The following PCNX2 variants were observed in gnomAD, a reference collection of about 807,000 sequenced individuals.
PCNX2 encodes pecanex 2.
Under a neutral mutation model 223.8 loss-of-function variants are expected in PCNX2, and 168 were observed. That is an observed-to-expected ratio of 0.75 (90% CI 0.66 to 0.85). PCNX2 has a LOEUF of 0.85. PCNX2 is among the 40% of genes least tolerant of loss of function. The pLI, the probability that PCNX2 is intolerant of heterozygous loss-of-function variation, is 0.00. For synonymous variants in PCNX2, 1,006 were observed against 1,052.6 expected (o/e 0.96, Z 0.86); for missense variants, 2,507 against 2,675.5 (o/e 0.94, Z 1.39).
In PCNX2 at chr1:232,984,313, G is replaced by A. The variant is rs764436742; in HGVS notation, c.6405C>T (p.Asp2135=). Reference sequence around the variant, plus strand: ...CCCGGCCGCACGCCCGTCACTGCTCGTCTGACACACTTTGCTGCGAGGCCG... The same window carrying A: ...CCCGGCCGCACGCCCGTCACTGCTCATCTGACACACTTTGCTGCGAGGCCG... ...DDTASQQSVS[D]EQ Residue 2135 remains aspartate, a synonymous_variant, in exon 34 of 34, where the codon GAC becomes GAT. Coordinates refer to ENST00000258229, the MANE Select transcript of PCNX2 (RefSeq NM_014801.4). 1.9e-6 allele frequency: 3 copies of A among 1,606,330 alleles called. No homozygotes were observed. Among genetic ancestry groups the A allele is most frequent in the South Asian group, 1.1e-5 (1 of 90,110 alleles).
intron 19 of PCNX2, among the ~76,000 whole-genome samples, chr1:233,150,403 T>C (rs1438119722): frequency 1.3e-5 from 2 of 152,144 alleles, no homozygotes; most frequent in Non-Finnish European, 2.9e-5. Context: ...TTGATAGACA[T>C]TATTCAGGTT....
chr1:233,219,627 T>A (rs865811832), intron 10 of PCNX2, among the ~76,000 whole-genome samples: 34 of 151,378 alleles, frequency 2.2e-4, no homozygotes, highest in Middle Eastern at 6.8e-3. Flanking sequence ...TGTGAACATT[T>A]AAAAAAAAAT....
intron 21 of PCNX2, among the ~76,000 whole-genome samples, chr1:233,127,655 T>C (rs1342062863): frequency 6.6e-6 from 1 of 152,160 alleles, no homozygotes; most frequent in African/African-American, 2.4e-5. Context: ...CCTACCATTG[T>C]ATAGCTAAGA....
At chr1:233,073,854 G>A (rs576955109) in intron 23 of PCNX2, among the ~76,000 whole-genome samples, 11 of 152,188 alleles carry the variant, frequency 7.2e-5, no homozygotes, top group Admixed American at 3.3e-4. Flanking sequence ...TTTTGACCTC[G>A]AGTGATCATT....
intron 19 of PCNX2, among the ~76,000 whole-genome samples, chr1:233,153,914 A>G (rs183235890): frequency 1.1e-3 from 169 of 152,340 alleles, no homozygotes; most frequent in Middle Eastern, 3.4e-3. Flanking sequence ...TGTGCATCAC[A>G]TAGAAACTAG....
intron 9 of PCNX2, among the ~76,000 whole-genome samples, chr1:233,234,796 C>A (rs1348364120): frequency 1.3e-5 from 2 of 152,150 alleles, no homozygotes; most frequent in African/African-American, 4.8e-5. Context: ...GTTAGCACTT[C>A]CGGGCTTATC....
chr1:233,133,465 A>C (rs550714658), intron 21 of PCNX2, among the ~76,000 whole-genome samples: 1 of 152,318 alleles, frequency 6.6e-6, no homozygotes, highest in South Asian at 2.1e-4. Flanking sequence ...AAAATACAGA[A>C]ATTGGGGCAG....
intron 23 of PCNX2, among the ~76,000 whole-genome samples, chr1:233,059,047 C>G (rs1475029685): frequency 6.6e-6 from 1 of 152,118 alleles, no homozygotes; most frequent in Admixed American, 6.5e-5. Flanking sequence ...TCAGCATGCC[C>G]AGACCTCTTA....
intron 21 of PCNX2, among the ~76,000 whole-genome samples, chr1:233,101,617 A>G (rs1040846324): frequency 2.0e-5 from 3 of 152,196 alleles, no homozygotes; most frequent in African/African-American, 7.2e-5. Flanking sequence ...TATAATCAAA[A>G]AAGTTGTAAG....
chr1:233,276,727 G>T (rs1660933621), intron 1 of PCNX2, among the ~76,000 whole-genome samples: 1 of 152,152 alleles, frequency 6.6e-6, no homozygotes, highest in Non-Finnish European at 1.5e-5. Flanking sequence ...AAGCTACAAA[G>T]CAGAAGTCCC....
intron 32 of PCNX2, among the ~76,000 whole-genome samples, chr1:232,997,454 A>G (rs561509896): frequency 3.9e-5 from 6 of 152,242 alleles, no homozygotes; most frequent in Non-Finnish European, 7.4e-5. Flanking sequence ...CACTTATTAA[A>G]CGCTTCTGGA....
intron 15 of PCNX2, among the ~76,000 whole-genome samples, chr1:233,183,851 G>C (rs1231590664): frequency 1.3e-5 from 2 of 152,194 alleles, no homozygotes; most frequent in African/African-American, 4.8e-5. Flanking sequence ...CATTTAAGTG[G>C]ATCCCTGCAC....
rs1265699082 is a variant in PCNX2, at chr1:232,990,528, G to A, written c.5792-3988C>T. 6.6e-6 allele frequency among the ~76,000 whole-genome samples: 1 copy of A among 152,164 alleles called. No individual in the cohort carries two copies. Among genetic ancestry groups the A allele is most frequent in the Non-Finnish European group, 1.5e-5 (1 of 68,024 alleles). On this transcript the variant is annotated intron_variant, in intron 32 of 33. Coordinates refer to ENST00000258229, the MANE Select transcript of PCNX2 (RefSeq NM_014801.4). The surrounding 1 kb of genome is among the most constrained non-coding windows in gnomAD (Gnocchi z 4.3). ...AGAACCTGCCTACAGCTGCAACTCT[G>A]AGACCCAAGGGCTTTGCACCCTCGC...
At chr1:233,177,606 C>A (rs367767097) in intron 17 of PCNX2, among the ~76,000 whole-genome samples, 196 bp downstream of exon 17, 4 of 152,326 alleles carry the variant, frequency 2.6e-5, no homozygotes, top group African/African-American at 7.2e-5. Context: ...TTCTTTACAG[C>A]ACCGGAGAGC....
At chr1:233,249,544 C>A (rs1659324139) in intron 8 of PCNX2, among the ~76,000 whole-genome samples, 2 of 152,180 alleles carry the variant, frequency 1.3e-5, no homozygotes, top group Non-Finnish European at 2.9e-5. Flanking sequence ...GGGGACTTTG[C>A]ATGCCTGTTG....
intron 32 of PCNX2, among the ~76,000 whole-genome samples, chr1:232,988,880 G>A (rs986675885): frequency 6.6e-6 from 1 of 152,206 alleles, no homozygotes; most frequent in Non-Finnish European, 1.5e-5. Flanking sequence ...CGTAGTGAGC[G>A]CCTGGCAGCT....
rs1676130937 is a variant in PCNX2 at position 233,126,877 on chromosome 1, T to G, written c.3837+8136A>C. On this transcript the variant is annotated intron_variant, in intron 21 of 33. Coordinates refer to ENST00000258229, the MANE Select transcript of PCNX2 (RefSeq NM_014801.4). This position sits in a 1 kb window ranked among gnomAD's most constrained non-coding sequence, Gnocchi z 4.8. ...CTAATCTAGTTAATGACACCCCCTT[T>G]CATCTAGTCACTGAAGTATGCTGAG... Among the ~76,000 whole-genome samples the G allele has an allele frequency of 6.6e-6, 1 of 152,118 alleles. No individual in the cohort carries two copies. The highest frequency in any genetic ancestry group is 1.5e-5 in the Non-Finnish European group (1 of 68,030).
At chr1:233,175,980 A>C (rs540595880) in intron 17 of PCNX2, among the ~76,000 whole-genome samples, 1 of 152,188 alleles carries the variant, frequency 6.6e-6, no homozygotes, top group Non-Finnish European at 1.5e-5. Flanking sequence ...AAATTCATCG[A>C]AATTCCATGA....
At chr1:233,022,560 G>T (rs562932591) in intron 26 of PCNX2, among the ~76,000 whole-genome samples, 2 of 152,078 alleles carry the variant, frequency 1.3e-5, no homozygotes, top group East Asian at 3.9e-4. Flanking sequence ...GGGGCAGGGA[G>T]CACAGGTAGT....
Sources: gnomAD v4.1 joint callset for allele counts (sites outside exome capture counted in the v4.1 genomes callset) on GRCh38, gnomAD v4.1.1 for gene constraint, Gnocchi (gnomAD v3.1) non-coding constraint, MANE v1.5 for transcripts, NCBI Gene and HGNC (gene_info 2026-07-23, HGNC 2026-07-21) for gene names.